Variants in ADAM12 observed in about 807,000 individuals in gnomAD.
ADAM12 encodes the protein disintegrin and metalloproteinase domain-containing protein 12.
In ADAM12, 70 loss-of-function variants were observed where a neutral mutation model predicts 106.4. That is an observed-to-expected ratio of 0.66 (90% CI 0.54 to 0.80). The LOEUF (loss-of-function observed/expected upper bound fraction) is 0.80. ADAM12 is among the 30% of genes least tolerant of loss of function. The probability of loss-of-function intolerance (pLI) is 0.00; values close to 1 mark genes in which losing one functional copy is unlikely to be tolerated. For missense variants in ADAM12, 1,010 were observed against 1,171.9 expected (o/e 0.86, Z 2.02); for synonymous variants, 420 against 433.5 (o/e 0.97, Z 0.39).
intron 9 of ADAM12, 60 bp from the exon 10 acceptor site, chr10:126,098,560 T>C: frequency 6.9e-7 from 1 of 1,438,892 alleles, no homozygotes; most frequent in East Asian, 2.3e-5. Flanking sequence ...TTCTCTAATA[T>C]TTAAAAATTC....
intron 1 of ADAM12, among the ~76,000 whole-genome samples, chr10:126,370,993 T>C (rs1165392481): frequency 6.6e-6 from 1 of 152,236 alleles, no homozygotes; most frequent in Non-Finnish European, 1.5e-5. Flanking sequence ...TTTTGTTAAA[T>C]GCCGGTGTCA....
chr10:126,377,499 G>A (rs1175637608), intron 1 of ADAM12, among the ~76,000 whole-genome samples: 1 of 152,048 alleles, frequency 6.6e-6, no homozygotes, highest in Admixed American at 6.5e-5. Context: ...TTCTGGCCAT[G>A]CTGGTAGCTG....
At chr10:126,290,237 C>T (rs994867088) in intron 2 of ADAM12, among the ~76,000 whole-genome samples, 1 of 152,096 alleles carries the variant, frequency 6.6e-6, no homozygotes, top group Non-Finnish European at 1.5e-5. Context: ...AACTGAATTC[C>T]GCCAGTGCGT....
chr10:126,066,687 G>A lies in ADAM12; in HGVS notation c.1413+30C>T, dbSNP rs1474865999. On this transcript the variant is annotated intron_variant, in intron 13 of 22. Transcript: ENST00000448723. The surrounding 1 kb of genome is among the most constrained non-coding windows in gnomAD (Gnocchi z 5.1). ...AACCACCTGAACCTGTTGGCGACCT[G>A]GGGGTCAAGTTGTAGCTCCGGTGAC... 1.2e-6 allele frequency: 2 copies of A among 1,608,008 alleles called. No individual in the cohort carries two copies. Among genetic ancestry groups the A allele is most frequent in the South Asian group, 2.2e-5 (2 of 90,928 alleles).
In ADAM12 at chr10:126,266,991, C is replaced by T. The variant is rs151141591; in HGVS notation, c.260+11924G>A. Among the ~76,000 whole-genome samples, 217 of 152,276 alleles carry T rather than the reference C, an allele frequency of 1.4e-3. 1 individual carries two copies. The highest frequency in any genetic ancestry group is 5.1e-3 in the African/African-American group (210 of 41,548). ...AGATTTGATGGGACACAGATCCAAA[C>T]CATATCACTGTGTTGTCCTAACAAC... On this transcript the variant is annotated intron_variant, in intron 3 of 22. Coordinates refer to ENST00000448723, the MANE Select transcript of ADAM12 (RefSeq NM_001288973.2).
intron 1 of ADAM12, among the ~76,000 whole-genome samples, chr10:126,367,344 ATTT>A (rs1011598043): frequency 6.6e-6 from 1 of 151,976 alleles, no homozygotes; most frequent in African/African-American, 2.4e-5. Context: ...TTATGAAAGA[ATTT>A]TTTAAAATAT....
chr10:126,379,197 AC>A (rs1554877846), intron 1 of ADAM12, among the ~76,000 whole-genome samples: 1 of 152,228 alleles, frequency 6.6e-6, no homozygotes, highest in Non-Finnish European at 1.5e-5. Flanking sequence ...CTGGGTATAT[AC>A]CCAAAGGATT....
At chr10:126,056,212 G>A (rs1225776104) in intron 14 of ADAM12, among the ~76,000 whole-genome samples, 1 of 152,160 alleles carries the variant, frequency 6.6e-6, no homozygotes, top group Admixed American at 6.5e-5. Flanking sequence ...AAAACATGAG[G>A]GAGTGAGGGA....
intron 6 of ADAM12, among the ~76,000 whole-genome samples, chr10:126,116,432 G>A (rs571981892): frequency 7.8e-4 from 119 of 152,256 alleles, no homozygotes; most frequent in Non-Finnish European, 7.1e-4. Context: ...TGGGACCCCA[G>A]AGGCTGATCT....
intron 3 of ADAM12, among the ~76,000 whole-genome samples, chr10:126,184,022 G>A (rs939692258): frequency 6.6e-6 from 1 of 152,104 alleles, no homozygotes; most frequent in African/African-American, 2.4e-5. Context: ...CTTCAAAAAA[G>A]TGTGAAATAT....
chr10:126,024,758 A>G (rs201473196), intron 21 of ADAM12, among the ~76,000 whole-genome samples: 3 of 152,110 alleles, frequency 2.0e-5, no homozygotes, highest in East Asian at 3.9e-4. Context: ...AATAAATGGT[A>G]TTAAGGATTA....
chr10:126,239,541 A>C (rs1958483052), intron 3 of ADAM12, among the ~76,000 whole-genome samples: 1 of 152,210 alleles, frequency 6.6e-6, no homozygotes, highest in Non-Finnish European at 1.5e-5. Context: ...ACCTTTCTAA[A>C]ATAAATGGGT....
At chr10:126,297,450 G>A (rs932002098) in intron 2 of ADAM12, among the ~76,000 whole-genome samples, 2 of 152,190 alleles carry the variant, frequency 1.3e-5, no homozygotes, top group Admixed American at 1.3e-4. Flanking sequence ...TCAGGAGGCT[G>A]AAGCCAGGAG....
chr10:126,110,810 C>T (rs1424415161), intron 6 of ADAM12, among the ~76,000 whole-genome samples: 1 of 152,112 alleles, frequency 6.6e-6, no homozygotes, highest in East Asian at 1.9e-4. Flanking sequence ...AAAAAGCAAA[C>T]ATTAAAAACA....
intron 5 of ADAM12, among the ~76,000 whole-genome samples, chr10:126,132,524 AC>A (rs35812837): frequency 0.4 from 48,566 of 120,804 alleles, 8,654 homozygotes; most frequent in Non-Finnish European, 0.44. Flanking sequence ...CTGCATGAAC[AC>A]CCCCCCCCCC....
intron 2 of ADAM12, among the ~76,000 whole-genome samples, chr10:126,300,397 C>T (rs1201624086): frequency 6.6e-6 from 1 of 152,182 alleles, no homozygotes; most frequent in Non-Finnish European, 1.5e-5. Context: ...AGACCACTCT[C>T]CTTCCTTCTT....
intron 5 of ADAM12, among the ~76,000 whole-genome samples, chr10:126,130,916 T>C (rs1208443864): frequency 6.6e-6 from 1 of 152,222 alleles, no homozygotes; most frequent in African/African-American, 2.4e-5. Context: ...GAACTCCTTG[T>C]AGAGAATCCT....
chr10:126,250,195 TAA>T (rs1438962359), intron 3 of ADAM12, among the ~76,000 whole-genome samples: 2 of 152,130 alleles, frequency 1.3e-5, no homozygotes, highest in African/African-American at 4.8e-5. Context: ...CCAGAGTATA[TAA>T]ACAGGGACTC....
At chr10:126,189,515 A>G (rs539281706) in intron 3 of ADAM12, among the ~76,000 whole-genome samples, 2 of 152,286 alleles carry the variant, frequency 1.3e-5, no homozygotes, top group South Asian at 4.1e-4. Flanking sequence ...TACGGATACC[A>G]CCAACTCTTA....
Sources: gnomAD v4.1 joint callset for allele counts (sites outside exome capture counted in the v4.1 genomes callset) on GRCh38, gnomAD v4.1.1 for gene constraint, Gnocchi (gnomAD v3.1) non-coding constraint, MANE v1.5 for transcripts, NCBI Gene and HGNC (gene_info 2026-07-23, HGNC 2026-07-21) for gene names.